Variants in TUSC3 observed in about 807,000 individuals in gnomAD.
TUSC3 encodes the protein tumor suppressor candidate 3.
TUSC3 carries 45 observed loss-of-function variants against 44.8 expected under a neutral mutation model. That is an observed-to-expected ratio of 1.00 (90% confidence interval 0.79 to 1.29). The LOEUF (loss-of-function observed/expected upper bound fraction) is 1.29. Ranked by LOEUF, TUSC3 falls within the 50% of genes most tolerant of loss-of-function variation. The pLI is 0.00. For synonymous variants in TUSC3, 212 were observed against 152.9 expected, an observed-to-expected ratio of 1.39 and a Z score of -2.85; for missense variants, 519 against 437.9, an observed-to-expected ratio of 1.19 and a Z score of -1.65.
chr8:15,512,747 T>C (rs1171808114), intron 2 of TUSC3, among the ~76,000 whole-genome samples: 1 of 151,692 alleles, frequency 6.6e-6, no homozygotes, highest in African/African-American at 2.4e-5. Flanking sequence ...CATTACAGCC[T>C]GGGCAACAGA....
At chr8:15,481,471 C>T (rs2129124406) in intron 1 of TUSC3, among the ~76,000 whole-genome samples, 1 of 152,132 alleles carries the variant, frequency 6.6e-6, no homozygotes, top group African/African-American at 2.4e-5. Flanking sequence ...TCACCAAATG[C>T]CAGTTCCTCA....
chr8:15,480,228 A>G (rs956086014), intron 1 of TUSC3, among the ~76,000 whole-genome samples: 2 of 152,232 alleles, frequency 1.3e-5, no homozygotes, highest in African/African-American at 2.4e-5. Context: ...GATAGGAAGA[A>G]TCAACAACAT....
At chr8:15,490,447 C>G (rs1800792857) in intron 2 of TUSC3, among the ~76,000 whole-genome samples, 1 of 152,116 alleles carries the variant, frequency 6.6e-6, no homozygotes, top group African/African-American at 2.4e-5. Flanking sequence ...CACCACCCTG[C>G]AATTTTCCAG....
At chr8:15,493,740 A>G (rs1315098200) in intron 2 of TUSC3, among the ~76,000 whole-genome samples, 2 of 152,194 alleles carry the variant, frequency 1.3e-5, no homozygotes, top group Admixed American at 1.3e-4. Context: ...TAACTTAAGA[A>G]TCAAGTTCAA....
At chr8:15,792,573 C>G in the TUSC3 span, among the ~76,000 whole-genome samples, 2 of 152,120 alleles carry the variant, frequency 1.3e-5, no homozygotes, top group African/African-American at 4.8e-5. Flanking sequence ...CTGCATTTTT[C>G]TAGTCCCTTG....
the TUSC3 span, among the ~76,000 whole-genome samples, chr8:15,823,612 A>C: frequency 6.6e-6 from 1 of 152,340 alleles, no homozygotes; most frequent in South Asian, 2.1e-4. Flanking sequence ...AATTTTAAGA[A>C]AATATCTAGA....
At chr8:15,468,731 C>T (rs750968662) in intron 1 of TUSC3, among the ~76,000 whole-genome samples, 2 of 152,048 alleles carry the variant, frequency 1.3e-5, no homozygotes, top group Non-Finnish European at 2.9e-5. Flanking sequence ...AAAATCACAA[C>T]AGATATGAAA....
At chr8:15,529,450 CAT>C (rs756133367) in intron 2 of TUSC3, among the ~76,000 whole-genome samples, 6 of 152,072 alleles carry the variant, frequency 3.9e-5, no homozygotes, top group East Asian at 1.9e-4. Context: ...ATTACATAGA[CAT>C]AGCAATTTGA....
At chr8:15,675,436 C>T (rs1235051860) in intron 6 of TUSC3, among the ~76,000 whole-genome samples, 2 of 148,252 alleles carry the variant, frequency 1.3e-5, no homozygotes, top group African/African-American at 5.0e-5. Context: ...GGGTTTCAGA[C>T]TTTTTTTTTT....
chr8:15,578,838 G>A (rs1250771651), intron 1 of TUSC3, among the ~76,000 whole-genome samples: 1 of 152,094 alleles, frequency 6.6e-6, no homozygotes, highest in Non-Finnish European at 1.5e-5. Flanking sequence ...CATAAAATGA[G>A]TTAGGGAGGA....
At chr8:15,745,076 A>AT (rs1239330783) in intron 8 of TUSC3, among the ~76,000 whole-genome samples, 1 of 152,110 alleles carries the variant, frequency 6.6e-6, no homozygotes, top group Non-Finnish European at 1.5e-5. Flanking sequence ...TTCACTTAGG[A>AT]TAATGGCCTC....
chr8:15,471,909 C>T (rs1005274907), intron 1 of TUSC3, among the ~76,000 whole-genome samples: 1 of 152,166 alleles, frequency 6.6e-6, no homozygotes. Flanking sequence ...TGAGCTGCCA[C>T]ACCTGGCCCC....
At chr8:15,613,958 G>T (rs1286774899) in intron 1 of TUSC3, among the ~76,000 whole-genome samples, 1 of 151,168 alleles carries the variant, frequency 6.6e-6, no homozygotes, top group Non-Finnish European at 1.5e-5. Flanking sequence ...CATTTTCCCT[G>T]TGTTATCTCC....
intron 6 of TUSC3, among the ~76,000 whole-genome samples, chr8:15,719,502 C>G (rs1326969239): frequency 2.1e-5 from 1 of 48,144 alleles, no homozygotes; most frequent in East Asian, 1.1e-3. Context: ...TCATCACACA[C>G]ACACACACAC....
chr8:15,712,804 G>A (rs917254309), intron 6 of TUSC3, among the ~76,000 whole-genome samples: 5 of 151,988 alleles, frequency 3.3e-5, no homozygotes, highest in African/African-American at 4.8e-5. Flanking sequence ...TCACAGTAAG[G>A]GTCACTTTAG....
intron 2 of TUSC3, among the ~76,000 whole-genome samples, chr8:15,483,720 A>G (rs1242154523): frequency 7.7e-6 from 1 of 129,876 alleles, no homozygotes; most frequent in Non-Finnish European, 1.6e-5. Context: ...CAGTGGTGCC[A>G]TCTCGGCTCA....
chr8:15,540,152 C>G (rs946186403), upstream of TUSC3: 15 of 405,440 alleles, frequency 3.7e-5, no homozygotes, highest in Non-Finnish European at 6.1e-5. Flanking sequence ...AGGCAAGCTC[C>G]GGGCGGGAGC....
the TUSC3 span, among the ~76,000 whole-genome samples, chr8:15,819,295 G>C: frequency 6.6e-6 from 1 of 151,988 alleles, no homozygotes; most frequent in South Asian, 2.1e-4. Flanking sequence ...GTTACTTCTT[G>C]TTCTTATACT....
chr8:15,673,260 G>A (rs7828245), intron 5 of TUSC3, among the ~76,000 whole-genome samples: 4,257 of 151,800 alleles, frequency 0.028, 195 homozygotes, highest in African/African-American at 0.098. Flanking sequence ...TTACTGTGTC[G>A]TAAACTTTGC....
Sources: allele counts gnomAD v4.1 joint callset (sites outside exome capture counted in the v4.1 genomes callset), GRCh38; gene constraint gnomAD v4.1.1; transcripts MANE v1.5; gene names NCBI Gene and HGNC (gene_info 2026-07-23, HGNC 2026-07-21).